Variants in TAFA1 observed in about 807,000 individuals in gnomAD.
TAFA1 encodes TAFA chemokine like family member 1, also known as chemokine-like protein TAFA-1.
A neutral mutation model predicts 18.5 loss-of-function variants in TAFA1; 4 were observed. The observed-to-expected ratio is 0.22, with a 90% CI of 0.11 to 0.49. TAFA1 has a LOEUF of 0.49. TAFA1 is among the 20% of genes least tolerant of loss of function. The pLI is 0.98. For synonymous variants in TAFA1, 56 were observed against 55.2 expected, an observed-to-expected ratio of 1.01 and a Z score of -0.06; for missense variants, 147 against 169.0, an observed-to-expected ratio of 0.87 and a Z score of 0.72.
intron 3 of TAFA1, among the ~76,000 whole-genome samples, chr3:68,442,236 C>T (rs944712910): frequency 3.9e-5 from 6 of 152,216 alleles, no homozygotes; most frequent in African/African-American, 1.4e-4. Flanking sequence ...GTTGTGGACA[C>T]CCAGGAGCTA....
At chr3:68,388,738 C>T (rs1242502305) in intron 2 of TAFA1, among the ~76,000 whole-genome samples, 1 of 151,918 alleles carries the variant, frequency 6.6e-6, no homozygotes, top group African/African-American at 2.4e-5. Flanking sequence ...AAAAGACATT[C>T]TACTTTTTAA....
In TAFA1 at chr3:68,369,380, T is replaced by A. The variant is rs182298643; in HGVS notation, c.119-47900T>A. Among the ~76,000 whole-genome samples, 180 of 152,342 alleles carry A rather than the reference T, an allele frequency of 1.2e-3. 2 individuals are homozygous for A. Among genetic ancestry groups the A allele is most frequent in the African/African-American group, 4.3e-3 (178 of 41,570 alleles). On this transcript the variant is annotated intron_variant, in intron 2 of 4. Coordinates refer to ENST00000478136, the MANE Select transcript of TAFA1 (RefSeq NM_213609.4). Reference sequence around the variant, plus strand: ...TGGCTGGCATTATATCTCAATACATTATTGCTGAAGTTTAAAAAATTTACT... The same window carrying A: ...TGGCTGGCATTATATCTCAATACATAATTGCTGAAGTTTAAAAAATTTACT...
In TAFA1 at chr3:68,413,132, G is replaced by A. The variant is rs1272586637; in HGVS notation, c.119-4148G>A. 2.6e-4 allele frequency among the ~76,000 whole-genome samples: 40 copies of A among 152,182 alleles called. 1 individual carries two copies. Among genetic ancestry groups the A allele is most frequent in the Admixed American group, 2.6e-3 (40 of 15,280 alleles). Reference sequence around the variant, plus strand: ...TTGCATTTCTCTGATGGCCAGTGATGATGAGCATTTTTTCATGTGTCTGTT... The same window carrying A: ...TTGCATTTCTCTGATGGCCAGTGATAATGAGCATTTTTTCATGTGTCTGTT... On this transcript the variant is annotated intron_variant, in intron 2 of 4. Coordinates refer to ENST00000478136, the MANE Select transcript of TAFA1 (RefSeq NM_213609.4).
intron 3 of TAFA1, among the ~76,000 whole-genome samples, chr3:68,496,897 CCCA>C (rs1456414314): frequency 2.0e-5 from 3 of 152,034 alleles, no homozygotes; most frequent in East Asian, 3.9e-4. Context: ...AGATTCTATC[CCCA>C]CAACACCATC....
At chr3:68,432,318 GA>G (rs2071190287) in intron 3 of TAFA1, among the ~76,000 whole-genome samples, 1 of 152,056 alleles carries the variant, frequency 6.6e-6, no homozygotes, top group Admixed American at 6.6e-5. Flanking sequence ...ATATAGCATG[GA>G]AGAGTTGAAG....
intron 3 of TAFA1, among the ~76,000 whole-genome samples, chr3:68,418,939 T>TA (rs2070899429): frequency 6.6e-6 from 1 of 152,162 alleles, no homozygotes; most frequent in Admixed American, 6.6e-5. Context: ...GAATTAAACT[T>TA]ACGAGGTTCT....
intron 2 of TAFA1, among the ~76,000 whole-genome samples, chr3:68,344,225 T>C (rs1458757348): frequency 2.6e-5 from 4 of 152,198 alleles, no homozygotes; most frequent in Non-Finnish European, 5.9e-5. Flanking sequence ...TTCAAACAGA[T>C]GTTAAAACAT....
Position 68,183,485 on chromosome 3 carries a change from C to T in TAFA1, c.118+176741C>T, listed in dbSNP as rs79533970. 4.7e-3 allele frequency among the ~76,000 whole-genome samples: 722 copies of T among 152,194 alleles called. 5 individuals carry two copies. The highest frequency in any genetic ancestry group is 0.016 in the African/African-American group (675 of 41,552). Reference sequence around the variant, plus strand: ...GCTTGATGAAGTTCCCATTTTAAGACAAAGTATATTTTTGATGCAATAAAG... The same window carrying T: ...GCTTGATGAAGTTCCCATTTTAAGATAAAGTATATTTTTGATGCAATAAAG... On this transcript the variant is annotated intron_variant, in intron 2 of 4. Transcript: ENST00000478136.
At chr3:68,282,047 A>G (rs1436965940) in intron 2 of TAFA1, among the ~76,000 whole-genome samples, 1 of 152,170 alleles carries the variant, frequency 6.6e-6, no homozygotes, top group Non-Finnish European at 1.5e-5. Context: ...CTTCTTCACA[A>G]GGTGGCAGCA....
At chr3:68,110,103 A>T (rs1043700806) in intron 2 of TAFA1, among the ~76,000 whole-genome samples, 3 of 152,088 alleles carry the variant, frequency 2.0e-5, no homozygotes, top group African/African-American at 7.2e-5. Flanking sequence ...AGCATCCATT[A>T]GCTATTCTTT....
chr3:68,168,683 G>A (rs2066014930), intron 2 of TAFA1, among the ~76,000 whole-genome samples: 1 of 152,140 alleles, frequency 6.6e-6, no homozygotes. Context: ...CTTGCCATGA[G>A]GTTGCAAGTC....
intron 2 of TAFA1, among the ~76,000 whole-genome samples, chr3:68,011,124 T>G: frequency 1.4e-5 from 1 of 70,838 alleles, no homozygotes; most frequent in African/African-American, 5.6e-5. Flanking sequence ...TGAATGTGTG[T>G]GTGTGGGGGG....
chr3:68,291,206 A>G (rs955185562), intron 2 of TAFA1, among the ~76,000 whole-genome samples: 1 of 152,162 alleles, frequency 6.6e-6, no homozygotes, highest in Non-Finnish European at 1.5e-5. Context: ...CTCACATTAA[A>G]GTTTCCTTTA....
At chr3:68,327,693 G>A (rs896948146) in intron 2 of TAFA1, among the ~76,000 whole-genome samples, 6 of 152,280 alleles carry the variant, frequency 3.9e-5, no homozygotes, top group Non-Finnish European at 8.8e-5. Flanking sequence ...ATTAGTTGGG[G>A]TATTACTGCC....
At chr3:68,309,035 G>C (rs1183768779) in intron 2 of TAFA1, among the ~76,000 whole-genome samples, 1 of 151,992 alleles carries the variant, frequency 6.6e-6, no homozygotes, top group African/African-American at 2.4e-5. Context: ...CCTTGATCTG[G>C]AATGCTCTCA....
chr3:68,380,710 T>G (rs1284713125), intron 2 of TAFA1, among the ~76,000 whole-genome samples: 4 of 152,044 alleles, frequency 2.6e-5, no homozygotes. Context: ...TTTCTCCCAT[T>G]TTGTAGGTTG....
intron 2 of TAFA1, among the ~76,000 whole-genome samples, chr3:68,323,807 T>C (rs1005136566): frequency 2.0e-5 from 3 of 152,186 alleles, no homozygotes; most frequent in African/African-American, 7.2e-5. Context: ...TATGGAACTT[T>C]AGCCTTGGAG....
chr3:68,333,191 G>T (rs1034712383), intron 2 of TAFA1, among the ~76,000 whole-genome samples: 2 of 152,102 alleles, frequency 1.3e-5, no homozygotes, highest in African/African-American at 4.8e-5. Context: ...TGTCATAAAA[G>T]CACATACATG....
intron 2 of TAFA1, among the ~76,000 whole-genome samples, chr3:68,342,337 T>C (rs1321918755): frequency 2.0e-5 from 3 of 152,180 alleles, no homozygotes; most frequent in Non-Finnish European, 4.4e-5. Flanking sequence ...GTTTCTCTTG[T>C]CTCATCCTGC....
Sources: allele counts gnomAD v4.1 joint callset (sites outside exome capture counted in the v4.1 genomes callset), GRCh38; gene constraint gnomAD v4.1.1; transcripts MANE v1.5; gene names NCBI Gene and HGNC (gene_info 2026-07-23, HGNC 2026-07-21).